The following HYDIN variants were observed in gnomAD, a reference collection of about 807,000 sequenced individuals.
The protein encoded by HYDIN is HYDIN axonemal central pair apparatus protein.
A neutral mutation model predicts 403.9 loss-of-function variants in HYDIN; 132 were observed. The ratio of observed to expected loss-of-function variants is 0.33; its 90% CI spans 0.28 to 0.38. The LOEUF is 0.38. Ranked by LOEUF, HYDIN falls within the 10% of genes least tolerant of loss-of-function variation. HYDIN has a pLI of 1.00. For missense variants in HYDIN, 2,827 were observed against 5,009.5 expected (o/e 0.56, Z 13.15); for synonymous variants, 1,202 against 1,891.7 (o/e 0.64, Z 9.46).
At chr16:71,198,710 G>C (rs1218663537) in intron 1 of HYDIN, among the ~76,000 whole-genome samples, 1 of 152,134 alleles carries the variant, frequency 6.6e-6, no homozygotes, top group Non-Finnish European at 1.5e-5. Context: ...GATATTTCCT[G>C]AAACTTGGGG....
rs1011205270 is a variant in HYDIN at position 71,002,965 on chromosome 16, T to C, written c.3645-10755A>G. 2.0e-5 allele frequency among the ~76,000 whole-genome samples: 3 copies of C among 152,114 alleles called. No individual in the cohort carries two copies. The East Asian group carries it at 5.8e-4, about 29-fold the overall frequency. ...CTGGGATTACAGGTGTGATTTTGTATAGTGTGAGTTTAAGGATCTGTTTAT... is the reference window on the plus strand; with the variant it reads ...CTGGGATTACAGGTGTGATTTTGTACAGTGTGAGTTTAAGGATCTGTTTAT... On this transcript the variant is annotated intron_variant, in intron 23 of 85. Coordinates refer to ENST00000393567, the MANE Select transcript of HYDIN (RefSeq NM_001270974.2).
intron 9 of HYDIN, among the ~76,000 whole-genome samples, chr16:71,122,766 G>T (rs1393776270): frequency 1.3e-5 from 2 of 152,118 alleles, no homozygotes; most frequent in Non-Finnish European, 2.9e-5. Context: ...TGGTAATAAA[G>T]AAATTATCAG....
At chr16:71,030,489 G>A (rs1233719887) in intron 19 of HYDIN, among the ~76,000 whole-genome samples, 1 of 150,532 alleles carries the variant, frequency 6.6e-6, no homozygotes, top group Non-Finnish European at 1.5e-5. Context: ...CTGGAGTGCA[G>A]TGGTACGACC....
intron 13 of HYDIN, among the ~76,000 whole-genome samples, chr16:71,074,708 A>G (rs1597718422): frequency 2.5e-5 from 1 of 39,370 alleles, no homozygotes; most frequent in Non-Finnish European, 3.9e-5. Context: ...AAAAAACACC[A>G]AAAAAAAAAA....
intron 84 of HYDIN, among the ~76,000 whole-genome samples, chr16:70,810,574 G>A (rs2035420792): frequency 6.6e-6 from 1 of 152,216 alleles, no homozygotes. Flanking sequence ...GCTCATGCCT[G>A]TAATCCTAGC....
rs993395956 is a variant in HYDIN at position 71,201,033 on chromosome 16, A to G, written c.-23-14115T>C. Among the ~76,000 whole-genome samples the G allele has an allele frequency of 5.9e-5, 9 of 152,268 alleles. No homozygotes were observed. In the East Asian group the frequency reaches 1.4e-3, roughly 23 times the overall value. ...CCTTGTCCATGCTTAGACTCATCCCACAGATCTCAGCTGAAACAGCACTTA... is the reference window on the plus strand; with the variant it reads ...CCTTGTCCATGCTTAGACTCATCCCGCAGATCTCAGCTGAAACAGCACTTA... On this transcript the variant is annotated intron_variant, in intron 1 of 85. Transcript: ENST00000393567.
chr16:71,039,197 C>T (rs546581228), intron 18 of HYDIN, among the ~76,000 whole-genome samples: 1 of 152,022 alleles, frequency 6.6e-6, no homozygotes, highest in East Asian at 1.9e-4. Flanking sequence ...ATCTAGGTTT[C>T]GGTTTCCTTT....
At chr16:70,914,048 G>C (rs1356073969) in intron 47 of HYDIN, among the ~76,000 whole-genome samples, 1 of 149,656 alleles carries the variant, frequency 6.7e-6, no homozygotes, top group Non-Finnish European at 1.5e-5. Flanking sequence ...GCAGCAGATA[G>C]TTGGTTGGTG....
chr16:70,808,099 T>A, intron 85 of HYDIN, 37 bp from the exon 86 acceptor site: 4 of 1,561,890 alleles, frequency 2.6e-6, no homozygotes, highest in Non-Finnish European at 3.5e-6. Context: ...TCACGTGAGA[T>A]CCTGAAGAGC....
intron 3 of HYDIN, among the ~76,000 whole-genome samples, chr16:71,183,166 G>C (rs1000335140): frequency 2.0e-5 from 3 of 151,932 alleles, no homozygotes; most frequent in Admixed American, 6.6e-5. Flanking sequence ...GGTGAGAAGC[G>C]GGATGATTAA....
rs1306356645 is a variant in HYDIN, at chr16:70,970,531, T to C, written c.5608A>G (p.Ile1870Val). ...TGACCTCTGCTCACCTTTTCTTCTA[T>C]GAGATACTGCTGATCAAATTCTAAG... ...YSLEFDQQYL[I>V]EEKILRKLKG... The change falls in exon 36 of 86, where the codon ATA becomes GTA. Residue 1870 changes from isoleucine to valine, a missense_variant. Physicochemically the swap from Ile to Val is conservative, Grantham distance 29. Coordinates refer to ENST00000393567, the MANE Select transcript of HYDIN (RefSeq NM_001270974.2). The C allele has an allele frequency of 6.4e-7, 1 of 1,561,604 alleles. No individual in the cohort carries two copies. Among genetic ancestry groups the C allele is most frequent in the East Asian group, 2.3e-5 (1 of 44,372 alleles).
intron 84 of HYDIN, among the ~76,000 whole-genome samples, chr16:70,811,686 C>T (rs2143430887): frequency 1.3e-5 from 2 of 151,286 alleles, no homozygotes; most frequent in South Asian, 2.1e-4. Flanking sequence ...GGAGAAACCC[C>T]GTCTCTACTA....
chr16:70,831,540 A>AC (rs1567671147), intron 80 of HYDIN, among the ~76,000 whole-genome samples: 4 of 148,660 alleles, frequency 2.7e-5, no homozygotes, highest in Admixed American at 6.7e-5. Flanking sequence ...AAAAAAAAAA[A>AC]AAACAAGAAA....
At chr16:70,985,056 C>G (rs951516108) in intron 28 of HYDIN, 129 bp downstream of exon 28, 82 of 860,202 alleles carry the variant, frequency 9.5e-5, no homozygotes, top group Middle Eastern at 3.7e-4. Flanking sequence ...TTTTTTTTTT[C>G]TGCTTCCGAG....
Position 71,225,545 on chromosome 16 carries a change from C to G in HYDIN, c.-24+5017G>C, listed in dbSNP as rs374986998. 3.3e-5 allele frequency among the ~76,000 whole-genome samples: 5 copies of G among 152,146 alleles called. No homozygotes were observed. In the East Asian group the frequency reaches 7.7e-4, roughly 23 times the overall value. Reference sequence around the variant, plus strand: ...TTTGGAATCCCAACCGGCCCTATCTCTGGACAGTTTGGGGCACTCCCTTGT... The same window carrying G: ...TTTGGAATCCCAACCGGCCCTATCTGTGGACAGTTTGGGGCACTCCCTTGT... On this transcript the variant is annotated intron_variant, in intron 1 of 85. Coordinates refer to ENST00000393567, the MANE Select transcript of HYDIN (RefSeq NM_001270974.2).
chr16:71,134,345 G>C (rs2084828847), intron 8 of HYDIN, among the ~76,000 whole-genome samples: 1 of 152,038 alleles, frequency 6.6e-6, no homozygotes, highest in African/African-American at 2.4e-5. Flanking sequence ...TTTACCAGAA[G>C]TTAAATCTTT....
Position 71,218,783 on chromosome 16 carries a change from G to A in HYDIN, c.-24+11779C>T, listed in dbSNP as rs182435239. Among the ~76,000 whole-genome samples the A allele has an allele frequency of 2.9e-3, 448 of 152,198 alleles. 6 individuals carry two copies. The highest frequency in any genetic ancestry group is 0.027 in the Admixed American group (419 of 15,288). On this transcript the variant is annotated intron_variant, in intron 1 of 85. Transcript: ENST00000393567. ...TCCTGTTATTGCTTTTTATTAAATC[G>A]TAATTCCCTCTAGCAGCAAAAGGAT...
intron 27 of HYDIN, among the ~76,000 whole-genome samples, chr16:70,986,310 T>A (rs1402684552): frequency 6.6e-6 from 1 of 150,586 alleles, no homozygotes; most frequent in African/African-American, 2.4e-5. Flanking sequence ...GCAGGCCCAA[T>A]AACCACAAAC....
At chr16:70,974,829 C>T (rs367787639) in intron 31 of HYDIN, among the ~76,000 whole-genome samples, 159 bp from the exon 32 acceptor site, 39 of 152,086 alleles carry the variant, frequency 2.6e-4, no homozygotes, top group African/African-American at 8.0e-4. Context: ...CTAGAAACAA[C>T]GTTAACTCCC....
Sources: gnomAD v4.1 joint callset for allele counts (sites outside exome capture counted in the v4.1 genomes callset) on GRCh38, gnomAD v4.1.1 for gene constraint, MANE v1.5 for transcripts, NCBI Gene and HGNC (gene_info 2026-07-23, HGNC 2026-07-21) for gene names.